The following NXPH2 variants were observed in gnomAD, a reference collection of about 807,000 sequenced individuals.
NXPH2 encodes neurexophilin 2, also known as neurexophilin-2.
NXPH2 carries 5 observed loss-of-function variants against 19.8 expected under a neutral mutation model. That is an observed-to-expected ratio of 0.25 (90% CI 0.13 to 0.53). The LOEUF (loss-of-function observed/expected upper bound fraction) is 0.53, where lower values mean the gene tolerates loss of function less well. Ranked by LOEUF, NXPH2 falls within the 20% of genes least tolerant of loss-of-function variation. The pLI is 0.96. For synonymous variants in NXPH2, 154 were observed against 127.4 expected, an observed-to-expected ratio of 1.21 and a Z score of -1.41; for missense variants, 289 against 322.8, an observed-to-expected ratio of 0.90 and a Z score of 0.80.
intron 1 of NXPH2, among the ~76,000 whole-genome samples, chr2:138,724,902 T>A (rs1681336273): frequency 1.3e-5 from 2 of 152,238 alleles, no homozygotes; most frequent in Non-Finnish European, 2.9e-5. Flanking sequence ...TACGCACAGT[T>A]GAAAATCAGT....
intron 1 of NXPH2, among the ~76,000 whole-genome samples, chr2:138,704,196 CCTGA>C (rs1276168935): frequency 1.3e-5 from 2 of 152,116 alleles, no homozygotes; most frequent in Non-Finnish European, 2.9e-5. Flanking sequence ...TGTCAATGTT[CCTGA>C]CTAAAATGTG....
At position 138,746,322 on chromosome 2, in the gene NXPH2, G is replaced by A. The variant is rs187198160; in HGVS notation, c.51+33869C>T. Among the ~76,000 whole-genome samples the A allele has an allele frequency of 9.8e-4, 149 of 152,340 alleles. 1 individual carries two copies. Among genetic ancestry groups the A allele is most frequent in the African/African-American group, 3.5e-3 (144 of 41,584 alleles). ...AAGAAAGGACAAGCTATTCAGTAGAGGTGCAACTTGTGTCCTGTGAAGCGG... is the reference window on the plus strand; with the variant it reads ...AAGAAAGGACAAGCTATTCAGTAGAAGTGCAACTTGTGTCCTGTGAAGCGG... On this transcript the variant is annotated intron_variant, in intron 1 of 1. Transcript: ENST00000272641.
intron 1 of NXPH2, among the ~76,000 whole-genome samples, chr2:138,745,785 C>T (rs1298911585): frequency 6.6e-6 from 1 of 151,752 alleles, no homozygotes; most frequent in African/African-American, 2.4e-5. Context: ...ACAGCTGTTA[C>T]CTATGGAGTG....
intron 1 of NXPH2, among the ~76,000 whole-genome samples, chr2:138,735,313 T>C (rs1277996845): frequency 1.3e-5 from 2 of 151,796 alleles, no homozygotes; most frequent in African/African-American, 4.8e-5. Context: ...GAAAAAGAGG[T>C]TTAATGGACT....
chr2:138,741,103 CAG>C (rs1388828927), intron 1 of NXPH2, among the ~76,000 whole-genome samples: 3 of 152,062 alleles, frequency 2.0e-5, no homozygotes, highest in African/African-American at 7.2e-5. Flanking sequence ...TAAAATATAA[CAG>C]AAATTCCACT....
intron 1 of NXPH2, among the ~76,000 whole-genome samples, chr2:138,727,586 T>C (rs1681378796): frequency 6.6e-6 from 1 of 150,424 alleles, no homozygotes; most frequent in African/African-American, 2.4e-5. Flanking sequence ...CACATTAAAA[T>C]CTGGTTGTTT....
chr2:138,725,706 T>C (rs1681345469), intron 1 of NXPH2, among the ~76,000 whole-genome samples: 1 of 152,218 alleles, frequency 6.6e-6, no homozygotes. Context: ...TTGTTCTTTG[T>C]ATTTAAAAAT....
At chr2:138,736,985 G>A (rs1681557665) in intron 1 of NXPH2, among the ~76,000 whole-genome samples, 1 of 152,146 alleles carries the variant, frequency 6.6e-6, no homozygotes, top group Non-Finnish European at 1.5e-5. Flanking sequence ...ACCTCAGCCT[G>A]GACTTTAGTG....
intron 1 of NXPH2, among the ~76,000 whole-genome samples, chr2:138,698,712 G>T (rs1680866853): frequency 6.6e-6 from 1 of 152,058 alleles, no homozygotes; most frequent in Non-Finnish European, 1.5e-5. Flanking sequence ...AAATTAGCCG[G>T]GTGTGGTGGT....
chr2:138,692,974 G>T (rs538888663), intron 1 of NXPH2, among the ~76,000 whole-genome samples: 13 of 152,250 alleles, frequency 8.5e-5, no homozygotes, highest in Non-Finnish European at 1.2e-4. Flanking sequence ...GTAAGTTATA[G>T]TTCCATTTCA....
intron 1 of NXPH2, among the ~76,000 whole-genome samples, chr2:138,768,998 G>A (rs917589216): frequency 7.9e-5 from 12 of 152,114 alleles, no homozygotes; most frequent in African/African-American, 2.2e-4. Context: ...TACAGGCCCC[G>A]TCGCAGTTAA....
chr2:138,731,767 A>C (rs935017712), intron 1 of NXPH2, among the ~76,000 whole-genome samples: 4 of 152,050 alleles, frequency 2.6e-5, no homozygotes, highest in Non-Finnish European at 5.9e-5. Context: ...TATAGCAAGT[A>C]GGGCCATTGG....
intron 1 of NXPH2, among the ~76,000 whole-genome samples, chr2:138,725,730 T>C (rs982299149): frequency 1.3e-5 from 2 of 152,176 alleles, no homozygotes; most frequent in African/African-American, 4.8e-5. Flanking sequence ...CTTCTGACGG[T>C]GAATTATGTT....
chr2:138,755,829 AT>A (rs922308054), intron 1 of NXPH2, among the ~76,000 whole-genome samples: 11 of 151,454 alleles, frequency 7.3e-5, no homozygotes, highest in South Asian at 2.1e-4. Context: ...ATTTATTTAG[AT>A]TTTTTTTTGT....
At chr2:138,733,969 G>A (rs145144785) in intron 1 of NXPH2, among the ~76,000 whole-genome samples, 2 of 152,292 alleles carry the variant, frequency 1.3e-5, no homozygotes, top group African/African-American at 4.8e-5. Flanking sequence ...ATGAGGGTGA[G>A]CATGGTGGCT....
At chr2:138,745,244 T>G (rs1681706598) in intron 1 of NXPH2, among the ~76,000 whole-genome samples, 1 of 152,168 alleles carries the variant, frequency 6.6e-6, no homozygotes, top group Non-Finnish European at 1.5e-5. Context: ...TGAAACAGGA[T>G]CAATAGGTTG....
At chr2:138,712,632 G>A (rs894809724) in intron 1 of NXPH2, among the ~76,000 whole-genome samples, 1 of 152,146 alleles carries the variant, frequency 6.6e-6, no homozygotes, top group African/African-American at 2.4e-5. Context: ...AAGTATACCT[G>A]CTTGATTTAA....
At chr2:138,740,506 C>T (rs188270540) in intron 1 of NXPH2, among the ~76,000 whole-genome samples, 61 of 152,208 alleles carry the variant, frequency 4.0e-4, no homozygotes, top group Non-Finnish European at 6.6e-4. Context: ...TTAATTTTAT[C>T]TAGGGTATAT....
At chr2:138,735,947 C>T (rs1187572149) in intron 1 of NXPH2, among the ~76,000 whole-genome samples, 1 of 152,180 alleles carries the variant, frequency 6.6e-6, no homozygotes, top group East Asian at 1.9e-4. Flanking sequence ...CCAAAATGAT[C>T]TCCTTTGAAT....
Sources: allele counts gnomAD v4.1 joint callset (sites outside exome capture counted in the v4.1 genomes callset), GRCh38; gene constraint gnomAD v4.1.1; transcripts MANE v1.5; gene names NCBI Gene and HGNC (gene_info 2026-07-23, HGNC 2026-07-21).